Variants in FHAD1 observed in about 807,000 individuals in gnomAD.
FHAD1 encodes the protein forkhead-associated domain-containing protein 1.
A neutral mutation model predicts 191.3 loss-of-function variants in FHAD1; 146 were observed. The observed-to-expected ratio is 0.76, with a 90% CI of 0.67 to 0.88. The LOEUF is 0.88. Ranked by LOEUF, FHAD1 falls within the 40% of genes least tolerant of loss-of-function variation. The pLI is 0.00. For synonymous variants in FHAD1, 616 were observed against 672.3 expected (o/e 0.92, Z 1.29); for missense variants, 1,635 against 1,785.8 (o/e 0.92, Z 1.52).
chr1:15,377,685 G>A (rs1558276018), intron 28 of FHAD1, among the ~76,000 whole-genome samples: 1 of 151,860 alleles, frequency 6.6e-6, no homozygotes, highest in African/African-American at 2.4e-5. Flanking sequence ...CAAAAAATTA[G>A]CCAGGCATTG....
chr1:15,383,845 A>G (rs1701478149), intron 31 of FHAD1: 2 of 446,070 alleles, frequency 4.5e-6, no homozygotes, highest in Non-Finnish European at 9.0e-6. Flanking sequence ...GAGGCGCCCA[A>G]GTGCACACAG....
intron 33 of FHAD1, among the ~76,000 whole-genome samples, chr1:15,395,376 G>A (rs1705594227): frequency 1.3e-5 from 2 of 151,184 alleles, no homozygotes; most frequent in South Asian, 4.2e-4. Context: ...TCTCGTGCAT[G>A]CATGCACTCG....
chr1:15,382,991 TC>T (rs1376926962), intron 31 of FHAD1, among the ~76,000 whole-genome samples: 2 of 151,848 alleles, frequency 1.3e-5, no homozygotes, highest in Non-Finnish European at 2.9e-5. Context: ...CGAAAATGGG[TC>T]CCCCTCCCAC....
intron 2 of FHAD1, among the ~76,000 whole-genome samples, chr1:15,270,623 T>C (rs1398156565): frequency 6.6e-6 from 1 of 152,228 alleles, no homozygotes; most frequent in African/African-American, 2.4e-5. Flanking sequence ...ATGATGGAAC[T>C]TTAGTTGTCT....
At chr1:15,274,301 A>C (rs1657388394) in intron 3 of FHAD1, among the ~76,000 whole-genome samples, 1 of 152,186 alleles carries the variant, frequency 6.6e-6, no homozygotes, top group Admixed American at 6.5e-5. Flanking sequence ...GGAGCAAAAG[A>C]ATGTATTATA....
chr1:15,266,952 C>G (rs1653806574), intron 2 of FHAD1, among the ~76,000 whole-genome samples: 1 of 152,094 alleles, frequency 6.6e-6, no homozygotes, highest in South Asian at 2.1e-4. Flanking sequence ...ATGTTTCTAC[C>G]AGTTTGTTTA....
chr1:15,341,969 TAGAC>T (rs940750001), intron 16 of FHAD1, 81 bp downstream of exon 16: 84 of 1,273,698 alleles, frequency 6.6e-5, no homozygotes, highest in Admixed American at 2.0e-4. Flanking sequence ...GGCATGTACT[TAGAC>T]AGAGAAATCT....
chr1:15,365,755 G>A, intron 23 of FHAD1, 72 bp from the exon 24 acceptor site: 1 of 883,410 alleles, frequency 1.1e-6, no homozygotes, highest in African/African-American at 1.7e-5. Flanking sequence ...TTTGTACTTG[G>A]CCCCTCCTGA....
chr1:15,318,650 A>T lies in FHAD1; in HGVS notation c.1365+722A>T, dbSNP rs1478759267. Among the ~76,000 whole-genome samples, 3 of 152,254 alleles carry T rather than the reference A, an allele frequency of 2.0e-5. No individual in the cohort carries two copies. The highest frequency in any genetic ancestry group is 6.5e-5 in the Admixed American group (1 of 15,288). ...CTCCGTCTCAAAAAAAAAAAAATTT[A>T]ATTAAAAATAAATAAAACAAAACGT... On this transcript the variant is annotated intron_variant, in intron 10 of 33. Coordinates refer to ENST00000688493, the MANE Select transcript of FHAD1 (RefSeq NM_001391957.1). The surrounding 1 kb of genome is among the most constrained non-coding windows in gnomAD (Gnocchi z 4.1).
At chr1:15,362,162 GGGATAAACAAGTGAGTGAACACGTGA>G (rs1407609051) in intron 22 of FHAD1, among the ~76,000 whole-genome samples, 2 of 152,342 alleles carry the variant, frequency 1.3e-5, no homozygotes, top group Admixed American at 1.3e-4. Context: ...GTTAGTTGAA[GGGATAAACAAGTGAGTGAACACGTGA>G]GGATAAACAA....
intron 20 of FHAD1, chr1:15,357,830 T>C (rs1397171645): frequency 3.5e-6 from 1 of 287,336 alleles, no homozygotes; most frequent in East Asian, 7.8e-5. Context: ...TTTAAAGGGC[T>C]GTCTCATAAA....
intron 19 of FHAD1, among the ~76,000 whole-genome samples, chr1:15,349,521 A>C (rs1690085896): frequency 1.3e-5 from 2 of 152,314 alleles, no homozygotes; most frequent in South Asian, 4.1e-4. Context: ...TCAGGGGCTT[A>C]GTGAGCATCA....
rs1042186391 is a variant in FHAD1 at position 15,316,333 on chromosome 1, C to T, written c.1171-45C>T. 6.6e-7 allele frequency: 1 copy of T among 1,505,358 alleles called. No homozygotes were observed. The highest frequency in any genetic ancestry group is 9.0e-7 in the Non-Finnish European group (1 of 1,106,540). The allele number at this position is 1,505,358 out of a possible 1,614,324, so 93.3% of individuals were successfully genotyped here. On this transcript the variant is annotated intron_variant, in intron 8 of 33. Transcript: ENST00000688493. This position sits in a 1 kb window ranked among gnomAD's most constrained non-coding sequence, Gnocchi z 4.3. ...GCCCCTCCTTCCCCCGACAACCCTA[C>T]CTGGCCAACGTTGGCCTCTTTCTGT...
intron 5 of FHAD1, among the ~76,000 whole-genome samples, chr1:15,298,639 C>A (rs1171738608): frequency 1.3e-5 from 2 of 152,154 alleles, no homozygotes; most frequent in Non-Finnish European, 2.9e-5. Context: ...ATGTCTATCA[C>A]TTTTTCTTGG....
At chr1:15,255,095 T>A (rs1647355611) in intron 2 of FHAD1, among the ~76,000 whole-genome samples, 1 of 141,172 alleles carries the variant, frequency 7.1e-6, no homozygotes, top group Admixed American at 7.5e-5. Flanking sequence ...TAGAAGTCAT[T>A]CCACTAAATA....
At position 15,344,539 on chromosome 1, in the gene FHAD1, G is replaced by GCAAGCA. The variant is rs567469642; in HGVS notation, c.2131-541_2131-536dup. 3.5e-4 allele frequency among the ~76,000 whole-genome samples: 54 copies of GCAAGCA among 152,296 alleles called. No individual in the cohort carries two copies. In the South Asian group the frequency reaches 0.01, roughly 29 times the overall value. On this transcript the variant is annotated intron_variant, in intron 16 of 33. Transcript: ENST00000688493. The stretch of plus-strand genomic sequence containing the variant: ...CAAAAGCAGCCATAGACAATACACA[G>GCAAGCA]CAAGCACAGTGTTCCAATAAAACTT...
At chr1:15,402,495 C>T (rs1197855660), downstream of FHAD1, among the ~76,000 whole-genome samples, 1 of 152,138 alleles carries the variant, frequency 6.6e-6, no homozygotes, top group Non-Finnish European at 1.5e-5. Context: ...TGCTGCTGGG[C>T]GTTCTTTAAA....
chr1:15,327,339 C>A lies in FHAD1; in HGVS notation c.1557+197C>A, dbSNP rs181840625. ...TAAAGTAAAAGCCAGTTAAAACTCC[C>A]TTGAAATGTGTCTGTGAAAATCAAA... On this transcript the variant is annotated intron_variant, in intron 12 of 33. Transcript: ENST00000688493. This position sits in a 1 kb window ranked among gnomAD's most constrained non-coding sequence, Gnocchi z 5.1. 4.8e-4 allele frequency: 256 copies of A among 536,752 alleles called. No individual in the cohort carries two copies. The highest frequency in any genetic ancestry group is 4.3e-3 in the African/African-American group (223 of 51,952). The allele number at this position is 536,752 out of a possible 1,614,324, so 33.2% of individuals were successfully genotyped here. A position where few individuals can be genotyped will look rare whatever the true frequency, so the allele number is the denominator to read the frequency against.
At chr1:15,328,241 C>CTTTTTT in intron 12 of FHAD1, 36 bp from the exon 13 acceptor site, 1 of 1,220,244 alleles carries the variant, frequency 8.2e-7, no homozygotes, top group Non-Finnish European at 1.1e-6. Flanking sequence ...TATGTTACAT[C>CTTTTTT]TTTTTTTTTT....
Sources: allele counts gnomAD v4.1 joint callset (sites outside exome capture counted in the v4.1 genomes callset), GRCh38; gene constraint gnomAD v4.1.1; non-coding constraint Gnocchi (gnomAD v3.1); transcripts MANE v1.5; gene names NCBI Gene and HGNC (gene_info 2026-07-23, HGNC 2026-07-21).